RASGRF2: variants seen among roughly 807,000 people sequenced by gnomAD.
RASGRF2 encodes the protein ras-specific guanine nucleotide-releasing factor 2.
In RASGRF2, 76 loss-of-function variants were observed where a neutral mutation model predicts 151.0. The observed-to-expected ratio is 0.50, with a 90% CI of 0.42 to 0.61. The LOEUF (loss-of-function observed/expected upper bound fraction) is 0.61, where lower values mean the gene tolerates loss of function less well. RASGRF2 is among the 20% of genes least tolerant of loss of function. The pLI, the probability that RASGRF2 is intolerant of heterozygous loss-of-function variation, is 0.00. For synonymous variants in RASGRF2, 504 were observed against 566.5 expected (o/e 0.89, Z 1.57); for missense variants, 1,148 against 1,564.6 (o/e 0.73, Z 4.49).
intron 17 of RASGRF2, among the ~76,000 whole-genome samples, chr5:81,176,690 G>C (rs1754782095): frequency 1.3e-5 from 2 of 152,172 alleles, no homozygotes; most frequent in South Asian, 4.1e-4. Context: ...CCTCGGCAGA[G>C]GTTTTGCATG....
intron 1 of RASGRF2, among the ~76,000 whole-genome samples, chr5:80,968,070 T>A (rs955281351): frequency 6.6e-6 from 1 of 152,258 alleles, no homozygotes; most frequent in Non-Finnish European, 1.5e-5. Flanking sequence ...TAGTACCTGC[T>A]CCATCAGGTT....
At chr5:80,994,793 C>T (rs1748780842) in intron 1 of RASGRF2, among the ~76,000 whole-genome samples, 1 of 152,140 alleles carries the variant, frequency 6.6e-6, no homozygotes, top group African/African-American at 2.4e-5. Context: ...TGGATTTTCC[C>T]CAGGCTTTTC....
intron 17 of RASGRF2, among the ~76,000 whole-genome samples, chr5:81,163,807 C>G (rs753452638): frequency 2.0e-5 from 3 of 152,012 alleles, no homozygotes; most frequent in Non-Finnish European, 4.4e-5. Flanking sequence ...ATTCAAGAAC[C>G]CTTAGAAGGT....
At chr5:80,986,255 A>G (rs1366811291) in intron 1 of RASGRF2, among the ~76,000 whole-genome samples, 9 of 152,220 alleles carry the variant, frequency 5.9e-5, no homozygotes, top group Admixed American at 5.9e-4. Context: ...TTGGTCATAA[A>G]TCTTTTAGAT....
intron 12 of RASGRF2, among the ~76,000 whole-genome samples, chr5:81,101,072 G>A (rs753699617): frequency 9.2e-5 from 14 of 152,230 alleles, no homozygotes; most frequent in South Asian, 6.2e-4. Flanking sequence ...CATCCCAGCC[G>A]TTACAAACTG....
intron 21 of RASGRF2, among the ~76,000 whole-genome samples, 161 bp downstream of exon 21, chr5:81,207,510 G>C (rs1000489340): frequency 6.6e-6 from 1 of 152,212 alleles, no homozygotes; most frequent in African/African-American, 2.4e-5. Flanking sequence ...TCTGTGTCCA[G>C]CACTCTGCAG....
At chr5:81,124,553 G>A (rs1753399596) in intron 16 of RASGRF2, among the ~76,000 whole-genome samples, 1 of 152,048 alleles carries the variant, frequency 6.6e-6, no homozygotes, top group African/African-American at 2.4e-5. Flanking sequence ...TCTAAAATAA[G>A]GTCCAGGTAC....
Position 81,112,593 on chromosome 5 carries a change from C to A in RASGRF2, c.1839-17C>A. On this transcript the variant is annotated splice_polypyrimidine_tract_variant and intron_variant, in intron 13 of 26. Coordinates refer to ENST00000265080, the MANE Select transcript of RASGRF2 (RefSeq NM_006909.3). ...CTCCTCCTGGTTTTACCATCATGTT[C>A]CTGCCTTTGCACGTAGGTCTGATGC... 1 of 1,613,666 alleles carries A rather than the reference C, an allele frequency of 6.2e-7. No individual in the cohort carries two copies. The highest frequency in any genetic ancestry group is 1.1e-5 in the South Asian group (1 of 91,006).
At chr5:81,003,218 CTT>C (rs1271321430) in intron 1 of RASGRF2, among the ~76,000 whole-genome samples, 52 of 97,856 alleles carry the variant, frequency 5.3e-4, no homozygotes, top group African/African-American at 1.2e-3. Context: ...CCACACCTGG[CTT>C]TTTTTTTTTT....
rs568048661 is a variant in RASGRF2, at chr5:81,073,551, T to C, written c.887+99T>C. 15 of 1,275,380 alleles carry C rather than the reference T, an allele frequency of 1.2e-5. No individual in the cohort carries two copies. The East Asian group carries it at 3.7e-4, about 32-fold the overall frequency. The allele number at this position is 1,275,380 out of a possible 1,614,324, so 79.0% of individuals were successfully genotyped here. On this transcript the variant is annotated intron_variant, in intron 5 of 26. Coordinates refer to ENST00000265080, the MANE Select transcript of RASGRF2 (RefSeq NM_006909.3). ...TTTAAAAGGGTCTCATAAATTCATC[T>C]CTATTAGTTTATGATAGTAAAAATA...
chr5:80,985,519 A>G (rs1748447733), intron 1 of RASGRF2, among the ~76,000 whole-genome samples: 1 of 152,244 alleles, frequency 6.6e-6, no homozygotes, highest in South Asian at 2.1e-4. Flanking sequence ...TTAGATAAAG[A>G]GCATTAGCCC....
rs144089600 is a variant in RASGRF2, at chr5:80,966,186, G to A, written c.288+5160G>A. Among the ~76,000 whole-genome samples the A allele has an allele frequency of 1.5e-4, 23 of 151,856 alleles. 1 individual carries two copies. The East Asian group carries it at 3.7e-3, about 24-fold the overall frequency. ...GTTGAATATTAAACCTTTGTTAGGC[G>A]GTTATATATTGGAGTTTGCAGATTT... On this transcript the variant is annotated intron_variant, in intron 1 of 26. Coordinates refer to ENST00000265080, the MANE Select transcript of RASGRF2 (RefSeq NM_006909.3).
rs373243201 is a variant in RASGRF2, at chr5:81,109,456, G to A, written c.1838+378G>A. On this transcript the variant is annotated intron_variant, in intron 13 of 26. Coordinates refer to ENST00000265080, the MANE Select transcript of RASGRF2 (RefSeq NM_006909.3). ...GGATTACCTGAGTTCAGGAGTTTGCGAACAGCCTGGCCATCCTGGCCAACA... is the reference window on the plus strand; with the variant it reads ...GGATTACCTGAGTTCAGGAGTTTGCAAACAGCCTGGCCATCCTGGCCAACA... Among the ~76,000 whole-genome samples, 20 of 152,282 alleles carry A rather than the reference G, an allele frequency of 1.3e-4. 1 individual carries two copies. The highest frequency in any genetic ancestry group is 2.9e-4 in the African/African-American group (12 of 41,562).
At chr5:81,029,831 C>A (rs556851521) in intron 1 of RASGRF2, among the ~76,000 whole-genome samples, 1 of 152,096 alleles carries the variant, frequency 6.6e-6, no homozygotes, top group East Asian at 1.9e-4. Flanking sequence ...AGGCTTCAGA[C>A]GACTGGTAAT....
intron 17 of RASGRF2, among the ~76,000 whole-genome samples, chr5:81,142,147 C>T (rs745394728): frequency 6.6e-6 from 1 of 152,054 alleles, no homozygotes; most frequent in Non-Finnish European, 1.5e-5. Flanking sequence ...AAATCAGAAG[C>T]TTAATATCAT....
chr5:81,096,946 GT>G (rs199582344), intron 12 of RASGRF2, among the ~76,000 whole-genome samples: 1 of 132,138 alleles, frequency 7.6e-6, no homozygotes, highest in Non-Finnish European at 1.6e-5. Context: ...TGTTTTTTCT[GT>G]TTTTTTTGTT....
intron 22 of RASGRF2, among the ~76,000 whole-genome samples, chr5:81,210,404 T>C (rs1755605529): frequency 6.6e-6 from 1 of 152,236 alleles, no homozygotes; most frequent in Non-Finnish European, 1.5e-5. Context: ...CATGAGCTCC[T>C]GTACAGTGTC....
chr5:80,990,251 C>G (rs1355377507), intron 1 of RASGRF2, among the ~76,000 whole-genome samples: 1 of 150,980 alleles, frequency 6.6e-6, no homozygotes, highest in Non-Finnish European at 1.5e-5. Flanking sequence ...TTTCTGCTCA[C>G]TGGAGCATCA....
At chr5:81,035,182 C>A (rs501529) in intron 1 of RASGRF2, among the ~76,000 whole-genome samples, 121,053 of 152,010 alleles carry the variant, frequency 0.8, 48,677 homozygotes, top group Middle Eastern at 0.92. Flanking sequence ...TTGCAGCACT[C>A]TCCACAATAG....
Sources: gnomAD v4.1 joint callset for allele counts (sites outside exome capture counted in the v4.1 genomes callset) on GRCh38, gnomAD v4.1.1 for gene constraint, MANE v1.5 for transcripts, NCBI Gene and HGNC (gene_info 2026-07-23, HGNC 2026-07-21) for gene names.